The following MGAT5B variants were observed in gnomAD, a reference collection of about 807,000 sequenced individuals.
The protein encoded by MGAT5B is alpha-1,6-mannosylglycoprotein 6-beta-N-acetylglucosaminyltransferase B.
In MGAT5B, 54 loss-of-function variants were observed where a neutral mutation model predicts 95.1. The ratio of observed to expected loss-of-function variants is 0.57; its 90% CI spans 0.46 to 0.71. The LOEUF (loss-of-function observed/expected upper bound fraction) is 0.71, where lower values mean the gene tolerates loss of function less well. MGAT5B is among the 30% of genes least tolerant of loss of function. The probability of loss-of-function intolerance (pLI) is 0.00; values close to 1 mark genes in which losing one functional copy is unlikely to be tolerated. For synonymous variants in MGAT5B, 464 were observed against 451.0 expected (o/e 1.03, Z -0.36); for missense variants, 935 against 1,088.6 (o/e 0.86, Z 1.99).
chr17:76,911,606 A>C (rs1030806253), intron 8 of MGAT5B, among the ~76,000 whole-genome samples: 7 of 152,204 alleles, frequency 4.6e-5, no homozygotes, highest in African/African-American at 1.4e-4. Context: ...CTTCCTTTCT[A>C]AAGTGGGGGC....
chr17:76,871,572 C>T (rs1056744461), intron 1 of MGAT5B, among the ~76,000 whole-genome samples: 1 of 152,124 alleles, frequency 6.6e-6, no homozygotes, highest in Non-Finnish European at 1.5e-5. Context: ...CTTTAATGGA[C>T]CAAATTTTAA....
chr17:76,892,176 T>G (rs1281365908), intron 3 of MGAT5B, among the ~76,000 whole-genome samples: 2 of 151,934 alleles, frequency 1.3e-5, no homozygotes, highest in Non-Finnish European at 2.9e-5. Flanking sequence ...GCCTCCAGAG[T>G]AGCTGGGACC....
At chr17:76,888,968 G>A (rs1041850775) in intron 3 of MGAT5B, among the ~76,000 whole-genome samples, 8 of 152,204 alleles carry the variant, frequency 5.3e-5, no homozygotes, top group South Asian at 2.1e-4. Flanking sequence ...GACAGTGCCC[G>A]GAGGCTGGCT....
intron 17 of MGAT5B, 129 bp from the exon 18 acceptor site, chr17:76,948,511 C>T: frequency 1.0e-6 from 1 of 993,424 alleles, no homozygotes; most frequent in South Asian, 1.7e-5. Flanking sequence ...ATTTCCTTAC[C>T]CAGGCTGGGA....
At chr17:76,876,857 C>A (rs928544789) in intron 2 of MGAT5B, among the ~76,000 whole-genome samples, 3 of 152,180 alleles carry the variant, frequency 2.0e-5, no homozygotes, top group African/African-American at 7.2e-5. Context: ...TGGGCCTGGG[C>A]TCTGGGGAGG....
intron 8 of MGAT5B, chr17:76,913,610 G>A: frequency 2.2e-6 from 1 of 453,518 alleles, no homozygotes; most frequent in Non-Finnish European, 4.5e-6. Flanking sequence ...CAAAGGATGG[G>A]AAAACAGGCT....
At chr17:76,932,882 G>A in intron 11 of MGAT5B, 107 bp downstream of exon 11, 1 of 1,465,098 alleles carries the variant, frequency 6.8e-7, no homozygotes, top group Non-Finnish European at 9.1e-7. Flanking sequence ...TCCCGCCCCA[G>A]CCCTGCATGC....
intron 2 of MGAT5B, 108 bp downstream of exon 2, chr17:76,873,071 G>A (rs1967065350): frequency 1.6e-6 from 2 of 1,256,224 alleles, no homozygotes; most frequent in African/African-American, 1.5e-5. Context: ...CCGCCCTGTA[G>A]GTGGATGTGA....
chr17:76,909,254 T>G (rs1241031686), intron 8 of MGAT5B, among the ~76,000 whole-genome samples: 1 of 152,250 alleles, frequency 6.6e-6, no homozygotes, highest in Non-Finnish European at 1.5e-5. Flanking sequence ...ATGAGCCATG[T>G]GCCCGGCCTA....
intron 4 of MGAT5B, 136 bp downstream of exon 4, chr17:76,902,806 C>T: frequency 1.4e-6 from 1 of 705,262 alleles, no homozygotes; most frequent in Non-Finnish European, 2.4e-6. Flanking sequence ...TCTTCGGGGC[C>T]CCAGTTTAGG....
At chr17:76,921,956 A>G (rs1051346659) in intron 8 of MGAT5B, among the ~76,000 whole-genome samples, 8 of 152,178 alleles carry the variant, frequency 5.3e-5, no homozygotes, top group African/African-American at 1.9e-4. Flanking sequence ...TTGAAAGCAC[A>G]TGGAATGATG....
At chr17:76,935,803 A>ATATATATTATATAATTATATATAC (rs1969634172) in intron 12 of MGAT5B, among the ~76,000 whole-genome samples, 1 of 141,738 alleles carries the variant, frequency 7.1e-6, no homozygotes, top group African/African-American at 2.6e-5. Context: ...TATATATATT[A>ATATATATTATATAATTATATATAC]TATATATTAT....
At chr17:76,908,556 C>T (rs756511780) in intron 8 of MGAT5B, among the ~76,000 whole-genome samples, 30 of 151,586 alleles carry the variant, frequency 2.0e-4, no homozygotes, top group South Asian at 6.3e-4. Context: ...CATGAGCCAC[C>T]GTGCTTGGCT....
At chr17:76,880,337 C>T (rs1012159539) in intron 2 of MGAT5B, among the ~76,000 whole-genome samples, 2 of 152,190 alleles carry the variant, frequency 1.3e-5, no homozygotes, top group Non-Finnish European at 2.9e-5. Context: ...CTCCTGTGGC[C>T]TCCCTTCTGA....
intron 10 of MGAT5B, among the ~76,000 whole-genome samples, chr17:76,928,780 G>A (rs895881663): frequency 1.3e-5 from 2 of 152,144 alleles, no homozygotes; most frequent in Non-Finnish European, 2.9e-5. Context: ...AGAGGAGCAT[G>A]GAGGATCAGG....
At chr17:76,896,841 TG>T (rs1177333831) in intron 3 of MGAT5B, among the ~76,000 whole-genome samples, 1 of 152,182 alleles carries the variant, frequency 6.6e-6, no homozygotes, top group Non-Finnish European at 1.5e-5. Flanking sequence ...AATTAAAGCT[TG>T]GCCTTCAGCA....
chr17:76,897,721 CTTTCTTTTTCTTT>C (rs1968138561), intron 3 of MGAT5B, among the ~76,000 whole-genome samples: 10 of 78,100 alleles, frequency 1.3e-4, no homozygotes, highest in African/African-American at 4.2e-4. Flanking sequence ...TTCTTTCTTT[CTTTCTTTTTCTTT>C]TTTTTTTTTT....
In MGAT5B at chr17:76,947,890, G is replaced by A. The variant is rs775953827; in HGVS notation, c.1984G>A (p.Val662Ile). 6.2e-7 allele frequency: 1 copy of A among 1,612,998 alleles called. No individual in the cohort carries two copies. The highest frequency in any genetic ancestry group is 8.5e-7 in the Non-Finnish European group (1 of 1,179,366). ...PEAHAPQSPF[V>I]LAPNATHLEW... The stretch of plus-strand genomic sequence containing the variant: ...GGCCCACGCCCCGCAGAGCCCCTTT[G>A]TCCTGGCCCCCAATGCCACCCACCT... The change falls in exon 17 of 18, where the codon GTC becomes ATC. Residue 662 changes from valine to isoleucine, a missense_variant. Val to Ile is a conservative substitution (Grantham distance 29). Transcript: ENST00000569840.
At chr17:76,944,414 C>T (rs1490627942) in intron 15 of MGAT5B, among the ~76,000 whole-genome samples, 6 of 152,110 alleles carry the variant, frequency 3.9e-5, no homozygotes, top group African/African-American at 1.4e-4. Flanking sequence ...TTATTTATAA[C>T]CTGAGAGTGA....
Sources: gnomAD v4.1 joint callset for allele counts (sites outside exome capture counted in the v4.1 genomes callset) on GRCh38, gnomAD v4.1.1 for gene constraint, MANE v1.5 for transcripts, NCBI Gene and HGNC (gene_info 2026-07-23, HGNC 2026-07-21) for gene names.